BAIAP2L1: variants seen among roughly 807,000 people sequenced by gnomAD.
BAIAP2L1 encodes BAR/IMD domain containing adaptor protein 2 like 1, also known as BAR/IMD domain-containing adapter protein 2-like 1.
Under a neutral mutation model 66.3 loss-of-function variants are expected in BAIAP2L1, and 35 were observed. The observed-to-expected ratio is 0.53, with a 90% CI of 0.40 to 0.70. The LOEUF is 0.70. Ranked by LOEUF, BAIAP2L1 falls within the 30% of genes least tolerant of loss-of-function variation. The pLI, the probability that BAIAP2L1 is intolerant of heterozygous loss-of-function variation, is 0.00. For missense variants in BAIAP2L1, 622 were observed against 656.9 expected, an observed-to-expected ratio of 0.95 and a Z score of 0.58; for synonymous variants, 269 against 248.7, an observed-to-expected ratio of 1.08 and a Z score of -0.77.
chr7:98,348,582 AAAAAG>A (rs1187587926), intron 3 of BAIAP2L1, among the ~76,000 whole-genome samples: 3 of 150,576 alleles, frequency 2.0e-5, no homozygotes, highest in African/African-American at 7.5e-5. Flanking sequence ...AAAAAAAAAA[AAAAAG>A]AAAGAAAGAA....
chr7:98,321,806 T>C (rs1468338), intron 3 of BAIAP2L1, among the ~76,000 whole-genome samples: 61,263 of 152,002 alleles, frequency 0.4, 13,314 homozygotes, highest in Middle Eastern at 0.55. Flanking sequence ...CAGATAAAAA[T>C]GAATTCCAGG....
rs186671756 is a variant in BAIAP2L1, at chr7:98,349,778, T to C, written c.214+5264A>G. ...TAATCCCAGCACTTTGGGAGGCCGA[T>C]GGGAAGTTTTTGTTTGTTTGTTTGT... On this transcript the variant is annotated intron_variant, in intron 3 of 13. Transcript: ENST00000005260. Among the ~76,000 whole-genome samples the C allele has an allele frequency of 1.1e-3, 163 of 149,920 alleles. 1 individual carries two copies. Among genetic ancestry groups the C allele is most frequent in the Admixed American group, 2.0e-3 (30 of 15,108 alleles).
chr7:98,345,121 G>A lies in BAIAP2L1; in HGVS notation c.214+9921C>T, dbSNP rs1002888030. Among the ~76,000 whole-genome samples, 8 of 152,208 alleles carry A rather than the reference G, an allele frequency of 5.3e-5. No individual in the cohort carries two copies. The South Asian group carries it at 6.2e-4, about 12-fold the overall frequency. On this transcript the variant is annotated intron_variant, in intron 3 of 13. Transcript: ENST00000005260. ...TCAAGACCAGCCTAGGCAACATAGC[G>A]AGACCCTGTCTTTAAAGACACAAAA...
chr7:98,292,999 A>G lies in BAIAP2L1; in HGVS notation c.*522T>C. The G allele has an allele frequency of 8.8e-7, 1 of 1,135,650 alleles. No individual in the cohort carries two copies. Among genetic ancestry groups the G allele is most frequent in the South Asian group, 3.6e-5 (1 of 27,934 alleles). The allele number at this position is 1,135,650 out of a possible 1,614,324, so 70.3% of individuals were successfully genotyped here. On this transcript the variant is annotated 3_prime_UTR_variant, in exon 14 of 14. Transcript: ENST00000005260. ...CTCCATCTCTGGAAGCTCTACACTT[A>G]AACATTTTAAGTTAAATTACATTTA...
chr7:98,354,433 G>GT (rs1276055744), intron 3 of BAIAP2L1, among the ~76,000 whole-genome samples: 1 of 152,138 alleles, frequency 6.6e-6, no homozygotes, highest in Admixed American at 6.6e-5. Context: ...TATTCAACAA[G>GT]TTTTTTAAAT....
At chr7:98,294,875 C>G (rs1800119129) in intron 12 of BAIAP2L1, among the ~76,000 whole-genome samples, 1 of 152,218 alleles carries the variant, frequency 6.6e-6, no homozygotes, top group Non-Finnish European at 1.5e-5. Flanking sequence ...CTCCTTCCAG[C>G]ACCTGCCACC....
intron 2 of BAIAP2L1, among the ~76,000 whole-genome samples, chr7:98,359,636 C>T (rs765126538): frequency 2.0e-5 from 3 of 151,942 alleles, no homozygotes; most frequent in Non-Finnish European, 4.4e-5. Flanking sequence ...GCAGATAGCT[C>T]ATCTCCTGCA....
intron 3 of BAIAP2L1, among the ~76,000 whole-genome samples, chr7:98,335,891 A>G (rs1801606952): frequency 6.6e-6 from 1 of 152,138 alleles, no homozygotes; most frequent in Admixed American, 6.5e-5. Context: ...CATTTTTTAT[A>G]CTGAACCAAA....
chr7:98,307,169 A>G (rs12673586), intron 10 of BAIAP2L1: 66,551 of 165,702 alleles, frequency 0.4, 14,500 homozygotes, highest in Middle Eastern at 0.54. Context: ...CTGGAGTGCA[A>G]TGGCGAGATC....
In BAIAP2L1 at chr7:98,292,222, T is replaced by G; in HGVS notation, c.*1299A>C. ...TATGGCAAGGCTAAAGGAGAGGGGA[T>G]AAGTCACAGCCCCAGCACCCAGCAA... On this transcript the variant is annotated 3_prime_UTR_variant, in exon 14 of 14. Coordinates refer to ENST00000005260, the MANE Select transcript of BAIAP2L1 (RefSeq NM_018842.5). The G allele has an allele frequency of 4.8e-6, 1 of 209,212 alleles. No homozygotes were observed. The highest frequency in any genetic ancestry group is 6.9e-5 in the South Asian group (1 of 14,398). The allele number at this position is 209,212 out of a possible 1,614,324, so 13.0% of individuals were successfully genotyped here.
intron 6 of BAIAP2L1, 72 bp downstream of exon 6, chr7:98,317,147 C>A (rs1801099229): frequency 6.3e-7 from 1 of 1,597,404 alleles, no homozygotes; most frequent in Admixed American, 1.7e-5. Flanking sequence ...GCCACCGCAC[C>A]CGGCTAACCT....
intron 1 of BAIAP2L1, among the ~76,000 whole-genome samples, chr7:98,387,060 C>T (rs1208501517): frequency 2.0e-5 from 3 of 152,232 alleles, no homozygotes; most frequent in African/African-American, 4.8e-5. Flanking sequence ...TTAACCTACA[C>T]GCGTATTAAG....
intron 1 of BAIAP2L1, among the ~76,000 whole-genome samples, chr7:98,366,662 C>T (rs1322211419): frequency 1.3e-5 from 2 of 152,136 alleles, no homozygotes; most frequent in East Asian, 3.9e-4. Flanking sequence ...AAATAAAATA[C>T]ACAAGGTGCC....
At chr7:98,371,544 T>A (rs1357591985) in intron 1 of BAIAP2L1, among the ~76,000 whole-genome samples, 1 of 152,194 alleles carries the variant, frequency 6.6e-6, no homozygotes, top group Non-Finnish European at 1.5e-5. Context: ...GCATTTCTAC[T>A]GCCTCTGTAA....
chr7:98,386,474 A>T (rs1396948480), intron 1 of BAIAP2L1: 2 of 1,597,210 alleles, frequency 1.3e-6, no homozygotes, highest in African/African-American at 2.7e-5. Flanking sequence ...TACTGAACAT[A>T]GCAGGTGCTT....
At chr7:98,357,614 A>T (rs1312843513) in intron 2 of BAIAP2L1, among the ~76,000 whole-genome samples, 2 of 150,966 alleles carry the variant, frequency 1.3e-5, no homozygotes, top group African/African-American at 4.9e-5. Context: ...TATAAAAGTT[A>T]TGGTTTTTAC....
At chr7:98,380,889 T>G (rs988171810) in intron 1 of BAIAP2L1, among the ~76,000 whole-genome samples, 1 of 151,176 alleles carries the variant, frequency 6.6e-6, no homozygotes, top group African/African-American at 2.4e-5. Flanking sequence ...CCTAATGTTA[T>G]GGAATGGCCA....
At position 98,312,128 on chromosome 7, in the gene BAIAP2L1, T is replaced by C. The variant is rs1374477814; in HGVS notation, c.776A>G (p.Gln259Arg). Reference protein sequence around the residue: ...PASTPVSGTPQASPMIERSNV... With the variant: ...PASTPVSGTPRASPMIERSNV... Reference sequence around the variant, plus strand: ...GCTTCTCTCGATCATGGGTGAAGCCTGAGGAGTTCCAGACACGGGGGTAGA... The same window carrying C: ...GCTTCTCTCGATCATGGGTGAAGCCCGAGGAGTTCCAGACACGGGGGTAGA... The change falls in exon 8 of 14, where the codon CAG becomes CGG. Residue 259 changes from glutamine to arginine, a missense_variant. Gln to Arg is a conservative substitution (Grantham distance 43, BLOSUM62 1). Coordinates refer to ENST00000005260, the MANE Select transcript of BAIAP2L1 (RefSeq NM_018842.5). 2 of 1,613,012 alleles carry C rather than the reference T, an allele frequency of 1.2e-6. No homozygotes were observed. Among genetic ancestry groups the C allele is most frequent in the Non-Finnish European group, 1.7e-6 (2 of 1,179,756 alleles).
Position 98,338,235 on chromosome 7 carries a change from A to G in BAIAP2L1, c.214+16807T>C, listed in dbSNP as rs189701228. 2.0e-4 allele frequency among the ~76,000 whole-genome samples: 30 copies of G among 152,114 alleles called. No individual in the cohort carries two copies. The East Asian group carries it at 5.9e-3, about 30-fold the overall frequency. On this transcript the variant is annotated intron_variant, in intron 3 of 13. Transcript: ENST00000005260. ...ATCACGAGGTCAGGAGATCGAGACC[A>G]CGGTGAAAACCCGTCTCTACTAAAA...
Sources: gnomAD v4.1 joint callset for allele counts (sites outside exome capture counted in the v4.1 genomes callset) on GRCh38, gnomAD v4.1.1 for gene constraint, MANE v1.5 for transcripts, NCBI Gene and HGNC (gene_info 2026-07-23, HGNC 2026-07-21) for gene names.